Variants in SLC38A4 observed in about 807,000 individuals in gnomAD.
SLC38A4 encodes the protein sodium-coupled neutral amino acid transporter 4.
In SLC38A4, 20 loss-of-function variants were observed where a neutral mutation model predicts 63.1. The ratio of observed to expected loss-of-function variants is 0.32; its 90% CI spans 0.22 to 0.46. The LOEUF (loss-of-function observed/expected upper bound fraction) is 0.46, where lower values mean the gene tolerates loss of function less well. SLC38A4 is among the 20% of genes least tolerant of loss of function. SLC38A4 has a pLI of 1.00. For missense variants in SLC38A4, 526 were observed against 663.6 expected (o/e 0.79, Z 2.28); for synonymous variants, 230 against 225.5 (o/e 1.02, Z -0.18).
At chr12:46,783,545 G>T (rs545640087) in intron 7 of SLC38A4, among the ~76,000 whole-genome samples, 2 of 152,138 alleles carry the variant, frequency 1.3e-5, no homozygotes, top group African/African-American at 4.8e-5. Context: ...AGCTATAAAT[G>T]GTGATCATCT....
At chr12:46,820,796 A>C (rs1421750779) in intron 1 of SLC38A4, among the ~76,000 whole-genome samples, 1 of 152,052 alleles carries the variant, frequency 6.6e-6, no homozygotes, top group Non-Finnish European at 1.5e-5. Flanking sequence ...CCGCACCAAC[A>C]GTGTACAAGT....
chr12:46,780,054 T>C, intron 7 of SLC38A4, 24 bp from the exon 8 acceptor site: 1 of 1,560,590 alleles, frequency 6.4e-7, no homozygotes, highest in Non-Finnish European at 8.8e-7. Flanking sequence ...TGTGACAGCT[T>C]AATGGTGTGG....
intron 2 of SLC38A4, among the ~76,000 whole-genome samples, chr12:46,796,069 CT>C (rs1938996997): frequency 6.6e-6 from 1 of 152,100 alleles, no homozygotes; most frequent in Non-Finnish European, 1.5e-5. Context: ...TATTGCTAAG[CT>C]TTTCTGTTTA....
chr12:46,778,578 G>A lies in SLC38A4; in HGVS notation c.916C>T (p.Leu306Phe), dbSNP rs1046995330. 7 of 1,612,956 alleles carry A rather than the reference G, an allele frequency of 4.3e-6. No homozygotes were observed. Among genetic ancestry groups the A allele is most frequent in the Non-Finnish European group, 5.9e-6 (7 of 1,179,432 alleles). ...GLDENQAKGS[L>F]HDSGVEYEAH... ...TCATATTCTACTCCACTGTCATGAA[G>A]AGAGCCCTTGGCCTGGTTCTCATCC... Residue 306 changes from leucine (L) to phenylalanine (F), a missense_variant, in exon 11 of 17, where the codon CTT (leucine) becomes TTT (phenylalanine). Physicochemically the swap from Leu to Phe is conservative, Grantham distance 22. Transcript: ENST00000266579.
chr12:46,796,468 CAG>C (rs1939007506), intron 2 of SLC38A4, among the ~76,000 whole-genome samples: 2 of 152,090 alleles, frequency 1.3e-5, no homozygotes, highest in African/African-American at 2.4e-5. Context: ...TTGTGAATGA[CAG>C]AGCGCATCGA....
At chr12:46,805,499 T>C (rs140467242) in intron 1 of SLC38A4, among the ~76,000 whole-genome samples, 2 of 152,072 alleles carry the variant, frequency 1.3e-5, no homozygotes, top group Non-Finnish European at 2.9e-5. Flanking sequence ...TATGGTCTGC[T>C]CTCAACAAAA....
Position 46,765,331 on chromosome 12 carries a change from T to C in SLC38A4, c.*1370A>G. 1 of 182,916 alleles carries C rather than the reference T, an allele frequency of 5.5e-6. No individual in the cohort carries two copies. Among genetic ancestry groups the C allele is most frequent in the South Asian group, 8.3e-5 (1 of 11,980 alleles). 11.3% of individuals were successfully genotyped at this position (182,916 alleles called of 1,614,324 possible). On this transcript the variant is annotated 3_prime_UTR_variant, in exon 17 of 17. Coordinates refer to ENST00000266579, the MANE Select transcript of SLC38A4 (RefSeq NM_018018.5). ...CATTTCTTCGTAGTGTTAGCACTTATACTTTTACAGAGAACCACTCAACAC... is the reference window on the plus strand; with the variant it reads ...CATTTCTTCGTAGTGTTAGCACTTACACTTTTACAGAGAACCACTCAACAC...
chr12:46,793,142 T>A lies in SLC38A4; in HGVS notation c.-71A>T. 9.2e-7 allele frequency: 1 copy of A among 1,081,238 alleles called. No homozygotes were observed. The highest frequency in any genetic ancestry group is 1.4e-6 in the Non-Finnish European group (1 of 704,454). The allele number at this position is 1,081,238 out of a possible 1,614,324, so 67.0% of individuals were successfully genotyped here. A position where few individuals can be genotyped will look rare whatever the true frequency, so the allele number is the denominator to read the frequency against. On this transcript the variant is annotated 5_prime_UTR_variant, in exon 3 of 17. Coordinates refer to ENST00000266579, the MANE Select transcript of SLC38A4 (RefSeq NM_018018.5). ...TAAATAATATACTGTACCTTCAGCT[T>A]AAGGTTCTTCCACTTTGTGTTGATG...
Position 46,788,048 on chromosome 12 carries a change from T to A in SLC38A4, c.211-17A>T, listed in dbSNP as rs1168634197. ...TCCGGGATGCTTGAAAAAGAAGGGATGTATTATAAGCAAACATTTGCCAAA... is the reference window on the plus strand; with the variant it reads ...TCCGGGATGCTTGAAAAAGAAGGGAAGTATTATAAGCAAACATTTGCCAAA... On this transcript the variant is annotated splice_polypyrimidine_tract_variant and intron_variant, in intron 4 of 16. Transcript: ENST00000266579. 4.3e-5 allele frequency: 68 copies of A among 1,590,230 alleles called. 1 individual carries two copies. The highest frequency in any genetic ancestry group is 5.7e-5 in the Non-Finnish European group (66 of 1,158,610).
At chr12:46,782,757 A>G (rs1368566966) in intron 7 of SLC38A4, among the ~76,000 whole-genome samples, 1 of 151,318 alleles carries the variant, frequency 6.6e-6, no homozygotes, top group Non-Finnish European at 1.5e-5. Flanking sequence ...CATCCTCACA[A>G]TAGCCTTTGT....
Position 46,777,023 on chromosome 12 carries a change from C to T in SLC38A4, c.1074-19G>A, listed in dbSNP as rs544816835. On this transcript the variant is annotated intron_variant, in intron 12 of 16. Coordinates refer to ENST00000266579, the MANE Select transcript of SLC38A4 (RefSeq NM_018018.5). The stretch of plus-strand genomic sequence containing the variant: ...GGACCGACTGGAAAAAGAAAGAACA[C>T]CAAGCTTTGTTTTTTAAACTTACAA... The T allele has an allele frequency of 3.8e-6, 6 of 1,580,662 alleles. No individual in the cohort carries two copies. The highest frequency in any genetic ancestry group is 1.2e-5 in the South Asian group (1 of 86,642).
chr12:46,781,132 G>A (rs954824297), intron 7 of SLC38A4, among the ~76,000 whole-genome samples: 4 of 151,984 alleles, frequency 2.6e-5, no homozygotes, highest in African/African-American at 9.7e-5. Context: ...CCTGTGAGAT[G>A]ACAAGATATA....
chr12:46,782,572 T>G (rs1314465056), intron 7 of SLC38A4, among the ~76,000 whole-genome samples: 1 of 152,002 alleles, frequency 6.6e-6, no homozygotes, highest in Non-Finnish European at 1.5e-5. Flanking sequence ...GTAATTTATA[T>G]ATTTATGCAG....
In SLC38A4 at chr12:46,777,761, GA is replaced by G. The variant is rs1227548238; in HGVS notation, c.1073+527del. 4.6e-5 allele frequency among the ~76,000 whole-genome samples: 7 copies of G among 152,064 alleles called. No homozygotes were observed. The South Asian group carries it at 8.3e-4, about 18-fold the overall frequency. ...GGGAAAAGAATACAAATGAACCATAGACCATCAGCTGGAAGAAACAAGATTT... is the reference window on the plus strand; with the variant it reads ...GGGAAAAGAATACAAATGAACCATAGCCATCAGCTGGAAGAAACAAGATTT... On this transcript the variant is annotated intron_variant, in intron 12 of 16. Coordinates refer to ENST00000266579, the MANE Select transcript of SLC38A4 (RefSeq NM_018018.5).
intron 1 of SLC38A4, among the ~76,000 whole-genome samples, chr12:46,813,081 G>A (rs1445201580): frequency 6.6e-6 from 1 of 151,854 alleles, no homozygotes; most frequent in Non-Finnish European, 1.5e-5. Flanking sequence ...GTGTCTCTAT[G>A]TCTTTTGGCT....
At chr12:46,830,296 T>A (rs1291023459), upstream of SLC38A4, among the ~76,000 whole-genome samples, 12 of 119,018 alleles carry the variant, frequency 1.0e-4, no homozygotes, top group African/African-American at 2.8e-4. Context: ...TCTCTCTCTC[T>A]CTCACACACA....
intron 1 of SLC38A4, among the ~76,000 whole-genome samples, chr12:46,814,645 T>C (rs1351194903): frequency 1.3e-5 from 2 of 151,978 alleles, no homozygotes; most frequent in African/African-American, 4.8e-5. Flanking sequence ...CCACACAGTT[T>C]TGGTCTAATC....
intron 1 of SLC38A4, among the ~76,000 whole-genome samples, chr12:46,825,459 TAAG>T (rs901353328): frequency 6.6e-6 from 1 of 152,134 alleles, no homozygotes; most frequent in African/African-American, 2.4e-5. Context: ...CTTCAAAAGA[TAAG>T]AAGGAATAAA....
At chr12:46,809,016 C>G (rs916657509) in intron 1 of SLC38A4, among the ~76,000 whole-genome samples, 1 of 151,966 alleles carries the variant, frequency 6.6e-6, no homozygotes, top group African/African-American at 2.4e-5. Context: ...ATATTAATTT[C>G]CATGACTCTC....
Sources: gnomAD v4.1 joint callset for allele counts (sites outside exome capture counted in the v4.1 genomes callset) on GRCh38, gnomAD v4.1.1 for gene constraint, MANE v1.5 for transcripts, NCBI Gene and HGNC (gene_info 2026-07-23, HGNC 2026-07-21) for gene names.